Variants in LPP observed in about 807,000 individuals in gnomAD.
LPP encodes the protein lipoma-preferred partner.
In LPP, 38 loss-of-function variants were observed where a neutral mutation model predicts 60.4. The observed-to-expected ratio is 0.63, with a 90% CI of 0.49 to 0.83. The LOEUF (loss-of-function observed/expected upper bound fraction) is 0.83. LPP is among the 40% of genes least tolerant of loss of function. The probability of loss-of-function intolerance (pLI) is 0.00; values close to 1 mark genes in which losing one functional copy is unlikely to be tolerated. For synonymous variants in LPP, 328 were observed against 290.8 expected (o/e 1.13, Z -1.30); for missense variants, 902 against 783.6 (o/e 1.15, Z -1.80).
chr3:188,757,949 G>A (rs750951226), intron 8 of LPP, among the ~76,000 whole-genome samples: 3 of 90,156 alleles, frequency 3.3e-5, no homozygotes, highest in African/African-American at 8.0e-5. Context: ...AAATAGTTTT[G>A]TTACTGTTGG....
At chr3:188,427,961 A>C (rs757213951) in intron 4 of LPP, among the ~76,000 whole-genome samples, 3 of 152,052 alleles carry the variant, frequency 2.0e-5, no homozygotes, top group Non-Finnish European at 4.4e-5. Flanking sequence ...CTGGGGTATG[A>C]AAAAACAAAG....
chr3:188,164,866 A>T (rs1437422482), intron 1 of LPP, among the ~76,000 whole-genome samples: 2 of 152,168 alleles, frequency 1.3e-5, no homozygotes, highest in Admixed American at 1.3e-4. Flanking sequence ...TCTGTGAAAG[A>T]ATTAGTGATA....
chr3:188,684,606 A>T (rs1860256714), intron 7 of LPP, among the ~76,000 whole-genome samples: 2 of 151,648 alleles, frequency 1.3e-5, no homozygotes, highest in South Asian at 4.2e-4. Flanking sequence ...TTAGAAATGG[A>T]GCCGTCAGCA....
chr3:188,493,594 A>G (rs1026981139), intron 5 of LPP, among the ~76,000 whole-genome samples: 1 of 151,562 alleles, frequency 6.6e-6, no homozygotes, highest in African/African-American at 2.4e-5. Context: ...ATGCCCAGCT[A>G]ATTTATTTAT....
At chr3:188,441,498 C>T (rs905054862) in intron 4 of LPP, among the ~76,000 whole-genome samples, 1 of 151,070 alleles carries the variant, frequency 6.6e-6, no homozygotes, top group Non-Finnish European at 1.5e-5. Context: ...CCTCTATTTT[C>T]TGATTACTAG....
chr3:188,738,637 C>T (rs1723341940), intron 8 of LPP, among the ~76,000 whole-genome samples: 1 of 152,124 alleles, frequency 6.6e-6, no homozygotes, highest in African/African-American at 2.4e-5. Flanking sequence ...TGCTTTTCAT[C>T]ACGAATGTAA....
chr3:188,579,636 C>G (rs1022438254), intron 6 of LPP, among the ~76,000 whole-genome samples: 1 of 133,542 alleles, frequency 7.5e-6, no homozygotes, highest in African/African-American at 2.8e-5. Flanking sequence ...ACTTTATTAA[C>G]AATTCTAAAT....
chr3:188,836,807 T>G (rs913362216), intron 9 of LPP, among the ~76,000 whole-genome samples: 1 of 152,226 alleles, frequency 6.6e-6, no homozygotes, highest in Admixed American at 6.5e-5. Flanking sequence ...ACACTGGGTT[T>G]ATAAGGCTTG....
chr3:188,258,384 A>G (rs1307798856), intron 2 of LPP, among the ~76,000 whole-genome samples: 1 of 152,206 alleles, frequency 6.6e-6, no homozygotes, highest in East Asian at 1.9e-4. Flanking sequence ...ATGCAGTGGC[A>G]TGATTATGGT....
At chr3:188,471,290 T>C (rs980490182) in intron 4 of LPP, among the ~76,000 whole-genome samples, 2 of 152,174 alleles carry the variant, frequency 1.3e-5, no homozygotes, top group Non-Finnish European at 2.9e-5. Flanking sequence ...TTGCTTTGGC[T>C]ATTCAAAGAG....
chr3:188,596,238 A>T (rs1277096986), intron 6 of LPP, among the ~76,000 whole-genome samples: 1 of 152,184 alleles, frequency 6.6e-6, no homozygotes, highest in Non-Finnish European at 1.5e-5. Flanking sequence ...TTTAGTGATT[A>T]TGCAAAGTTA....
chr3:188,704,783 T>TGTTGTG (rs71298538), intron 7 of LPP, among the ~76,000 whole-genome samples: 90 of 151,574 alleles, frequency 5.9e-4, no homozygotes, highest in African/African-American at 2.1e-3. Context: ...TTGTTGTTGT[T>TGTTGTG]TTGTCAAAAG....
intron 6 of LPP, among the ~76,000 whole-genome samples, chr3:188,561,053 C>A (rs1434585383): frequency 6.6e-6 from 1 of 152,050 alleles, no homozygotes; most frequent in Non-Finnish European, 1.5e-5. Flanking sequence ...GATTTCCAAT[C>A]CAAGTTTGAA....
In LPP at chr3:188,861,280, C is replaced by G. The variant is rs146097861; in HGVS notation, c.1411-4920C>G. Among the ~76,000 whole-genome samples, 865 of 152,226 alleles carry G rather than the reference C, an allele frequency of 5.7e-3. 10 individuals carry two copies. Among genetic ancestry groups the G allele is most frequent in the Non-Finnish European group, 7.4e-3 (503 of 67,996 alleles). On this transcript the variant is annotated intron_variant, in intron 9 of 11. Transcript: ENST00000617246. ...TCTTTTTTTCTTTTTGTTCTTATCT[C>G]AACAAGACCTAAACTATCTAGATCA...
At chr3:188,719,962 G>T (rs1402427582) in intron 8 of LPP, among the ~76,000 whole-genome samples, 12 of 152,204 alleles carry the variant, frequency 7.9e-5, no homozygotes, top group Non-Finnish European at 1.5e-4. Flanking sequence ...GCCCAGGTTG[G>T]AATGCAGTGG....
intron 2 of LPP, among the ~76,000 whole-genome samples, chr3:188,297,446 A>G (rs1748314731): frequency 6.6e-6 from 1 of 152,200 alleles, no homozygotes; most frequent in Non-Finnish European, 1.5e-5. Context: ...GATAAATTCT[A>G]TTTTTGGAAT....
intron 2 of LPP, among the ~76,000 whole-genome samples, chr3:188,309,070 G>A (rs1238161502): frequency 1.8e-5 from 2 of 109,918 alleles, no homozygotes; most frequent in Admixed American, 2.2e-4. Context: ...TGCCCAGGCT[G>A]GAGTGTAGTG....
At chr3:188,794,476 T>TA (rs1290902546) in intron 9 of LPP, among the ~76,000 whole-genome samples, 3 of 152,170 alleles carry the variant, frequency 2.0e-5, no homozygotes, top group African/African-American at 7.2e-5. Context: ...ACCTCTGTCT[T>TA]ACTCCCAATT....
intron 2 of LPP, among the ~76,000 whole-genome samples, chr3:188,308,831 G>C (rs1331392634): frequency 2.0e-5 from 3 of 151,974 alleles, no homozygotes; most frequent in Non-Finnish European, 4.4e-5. Flanking sequence ...TTCTGAGCCT[G>C]AGTTGTTGTT....
Sources: allele counts gnomAD v4.1 joint callset (sites outside exome capture counted in the v4.1 genomes callset), GRCh38; gene constraint gnomAD v4.1.1; transcripts MANE v1.5; gene names NCBI Gene and HGNC (gene_info 2026-07-23, HGNC 2026-07-21).